The following NIN variants were observed in gnomAD, a reference collection of about 807,000 sequenced individuals.
NIN encodes ninein, also known as glycogen synthase kinase 3 beta-interacting protein.
NIN carries 137 observed loss-of-function variants against 257.6 expected under a neutral mutation model. That is an observed-to-expected ratio of 0.53 (90% CI 0.46 to 0.61). NIN has a LOEUF of 0.61. NIN is among the 20% of genes least tolerant of loss of function. NIN has a pLI of 0.00. For synonymous variants in NIN, 918 were observed against 919.8 expected, an observed-to-expected ratio of 1.00 and a Z score of 0.04; for missense variants, 2,439 against 2,501.2, an observed-to-expected ratio of 0.98 and a Z score of 0.53.
At chr14:50,730,366 C>T (rs908377746) in intron 28 of NIN, among the ~76,000 whole-genome samples, 1 of 152,166 alleles carries the variant, frequency 6.6e-6, no homozygotes, top group Non-Finnish European at 1.5e-5. Context: ...TGTGTACCAA[C>T]ATGCCAGTCA....
At chr14:50,788,450 G>C (rs2141986404) in intron 5 of NIN, among the ~76,000 whole-genome samples, 1 of 152,322 alleles carries the variant, frequency 6.6e-6, no homozygotes, top group South Asian at 2.1e-4. Context: ...GGGAGATGAA[G>C]GGTGGAGTTG....
intron 5 of NIN, among the ~76,000 whole-genome samples, chr14:50,786,040 A>G (rs956400729): frequency 2.0e-5 from 3 of 152,210 alleles, no homozygotes; most frequent in Non-Finnish European, 4.4e-5. Flanking sequence ...TTTTAAACGC[A>G]CACACATTTA....
Position 50,739,495 on chromosome 14 carries a change from G to T in NIN, c.5449-8C>A, listed in dbSNP as rs1485769232. 6.2e-6 allele frequency: 10 copies of T among 1,613,748 alleles called. No homozygotes were observed. Among genetic ancestry groups the T allele is most frequent in the Non-Finnish European group, 8.5e-6 (10 of 1,179,866 alleles). On this transcript the variant is annotated splice_region_variant and splice_polypyrimidine_tract_variant and intron_variant, in intron 25 of 30. Coordinates refer to ENST00000530997, the MANE Select transcript of NIN (RefSeq NM_020921.4). Reference sequence around the variant, plus strand: ...TATCTCTGGGGCCCAGCTCTTAAGAGAATTGCAGAGTGTAAGCCTTAAAAA... The same window carrying T: ...TATCTCTGGGGCCCAGCTCTTAAGATAATTGCAGAGTGTAAGCCTTAAAAA...
intron 20 of NIN, among the ~76,000 whole-genome samples, chr14:50,754,003 T>C (rs1234981287): frequency 6.6e-6 from 1 of 152,236 alleles, no homozygotes; most frequent in Non-Finnish European, 1.5e-5. Context: ...TTTCAAGTGC[T>C]GAAAATACTC....
chr14:50,733,751 C>CA (rs1414469227), intron 28 of NIN, among the ~76,000 whole-genome samples: 2 of 152,146 alleles, frequency 1.3e-5, no homozygotes, highest in African/African-American at 4.8e-5. Flanking sequence ...TCTTATTCCT[C>CA]AGAGTATATA....
chr14:50,731,311 C>T (rs1195503344), intron 28 of NIN, among the ~76,000 whole-genome samples: 3 of 151,994 alleles, frequency 2.0e-5, no homozygotes, highest in Non-Finnish European at 4.4e-5. Context: ...GGGCGGATCA[C>T]TTGGGGTCAG....
At chr14:50,807,272 T>C (rs890085934) in intron 3 of NIN, among the ~76,000 whole-genome samples, 3 of 152,204 alleles carry the variant, frequency 2.0e-5, no homozygotes, top group Non-Finnish European at 4.4e-5. Context: ...GACTTGAATA[T>C]AGTCTTCCTT....
intron 29 of NIN, chr14:50,727,885 C>T: frequency 3.4e-6 from 2 of 585,214 alleles, no homozygotes; most frequent in Non-Finnish European, 2.9e-6. Flanking sequence ...GCAAGCAAAG[C>T]AACACAAAAT....
At chr14:50,732,803 C>T (rs1202746992) in intron 28 of NIN, among the ~76,000 whole-genome samples, 1 of 152,042 alleles carries the variant, frequency 6.6e-6, no homozygotes, top group Non-Finnish European at 1.5e-5. Flanking sequence ...TCTCAGCTCA[C>T]AGCAACCTCC....
intron 4 of NIN, among the ~76,000 whole-genome samples, chr14:50,802,188 G>A (rs928330151): frequency 1.1e-4 from 16 of 152,172 alleles, no homozygotes; most frequent in Admixed American, 9.8e-4. Context: ...TTATGCCACT[G>A]GCAATGCTAA....
intron 5 of NIN, among the ~76,000 whole-genome samples, chr14:50,784,673 T>G (rs11626645): frequency 0.6 from 90,692 of 152,130 alleles, 30,166 homozygotes; most frequent in East Asian, 0.84. Context: ...TTTAGTTATT[T>G]CACAATGTAT....
intron 12 of NIN, 117 bp downstream of exon 12, chr14:50,770,271 C>A (rs921158501): frequency 3.8e-6 from 4 of 1,065,448 alleles, no homozygotes; most frequent in Non-Finnish European, 5.4e-6. Context: ...CCCAGCTGGG[C>A]AAACTTGGAG....
chr14:50,792,794 T>G lies in NIN; in HGVS notation c.353A>C (p.Glu118Ala). Residue 118 changes from glutamate (E) to alanine (A), a missense_variant, in exon 5 of 31, where the codon GAG (glutamate) becomes GCG (alanine). Glu to Ala is a moderately radical substitution (Grantham distance 107, BLOSUM62 -1). Coordinates refer to ENST00000530997, the MANE Select transcript of NIN (RefSeq NM_020921.4). ...RSLPEFQESV[E>A]EFPEVTVIEP... ...AATCACCGTCACTTCAGGAAACTCC[T>G]CCACGGACTCTTGGAACTCGGGCAA... The G allele has an allele frequency of 6.2e-7, 1 of 1,614,176 alleles. No homozygotes were observed. The highest frequency in any genetic ancestry group is 8.5e-7 in the Non-Finnish European group (1 of 1,180,048).
intron 11 of NIN, 77 bp downstream of exon 11, chr14:50,770,775 C>G (rs549585592): frequency 4.0e-6 from 6 of 1,516,478 alleles, no homozygotes; most frequent in Non-Finnish European, 5.3e-6. Flanking sequence ...GTGCACTGTT[C>G]TGCCCCTGCA....
intron 22 of NIN, among the ~76,000 whole-genome samples, chr14:50,744,639 G>A (rs1020121363): frequency 1.3e-5 from 2 of 152,150 alleles, no homozygotes; most frequent in African/African-American, 4.8e-5. Context: ...TAAAAAACCA[G>A]TCAAGACTAT....
chr14:50,811,360 C>T (rs1347908951), intron 3 of NIN, among the ~76,000 whole-genome samples: 11 of 151,936 alleles, frequency 7.2e-5, no homozygotes, highest in Admixed American at 3.3e-4. Context: ...CCACCCGTCA[C>T]GGCCTCCCAA....
At chr14:50,821,833 G>T (rs116619609) in intron 3 of NIN, 41 bp downstream of exon 3, 6 of 1,536,958 alleles carry the variant, frequency 3.9e-6, no homozygotes, top group Non-Finnish European at 4.5e-6. Flanking sequence ...GGCAGAAACC[G>T]CACCCCACTT....
In NIN at chr14:50,719,875, G is replaced by T. The variant is rs2040239461; in HGVS notation, c.*3588C>A. On this transcript the variant is annotated 3_prime_UTR_variant, in exon 31 of 31. Transcript: ENST00000530997. ...CTCACATTAAAATCTTTCTAGGATA[G>T]AATGGCTAAGATGAAATATACAAAG... The T allele has an allele frequency of 4.9e-6, 1 of 205,168 alleles. No homozygotes were observed. The highest frequency in any genetic ancestry group is 1.0e-5 in the Non-Finnish European group (1 of 100,074). 12.7% of individuals were successfully genotyped at this position (205,168 alleles called of 1,614,324 possible).
At position 50,759,839 on chromosome 14, in the gene NIN, T is replaced by C; in HGVS notation, c.2399+18A>G. The C allele has an allele frequency of 8.2e-6, 13 of 1,587,280 alleles. No homozygotes were observed. Among genetic ancestry groups the C allele is most frequent in the Non-Finnish European group, 9.4e-6 (11 of 1,170,212 alleles). On this transcript the variant is annotated intron_variant, in intron 17 of 30. Transcript: ENST00000530997. ...GGGATGGTGCCCCAGGTAGCTTCAT[T>C]TCCCTTCACTTTCTTACCTTCCCTC...
Sources: gnomAD v4.1 joint callset for allele counts (sites outside exome capture counted in the v4.1 genomes callset) on GRCh38, gnomAD v4.1.1 for gene constraint, MANE v1.5 for transcripts, NCBI Gene and HGNC (gene_info 2026-07-23, HGNC 2026-07-21) for gene names.